The following ZNF385D variants were observed in gnomAD, a reference collection of about 807,000 sequenced individuals.
The protein encoded by ZNF385D is zinc finger protein 659.
ZNF385D carries 15 observed loss-of-function variants against 35.8 expected under a neutral mutation model. The ratio of observed to expected loss-of-function variants is 0.42; its 90% CI spans 0.28 to 0.64. ZNF385D has a LOEUF of 0.64. Among genes scored for constraint, ZNF385D ranks in the 30% least tolerant of loss-of-function variants. ZNF385D has a pLI of 0.23. For missense variants in ZNF385D, 474 were observed against 494.6 expected (o/e 0.96, Z 0.39); for synonymous variants, 212 against 186.8 (o/e 1.13, Z -1.10).
At chr3:21,795,414 G>C (rs2072105314) in intron 3 of ZNF385D, among the ~76,000 whole-genome samples, 1 of 152,246 alleles carries the variant, frequency 6.6e-6, no homozygotes, top group African/African-American at 2.4e-5. Context: ...GGGGCACATA[G>C]CCATTAGCGT....
chr3:22,322,725 C>T (rs1175028523), intron 2 of ZNF385D, among the ~76,000 whole-genome samples: 1 of 152,150 alleles, frequency 6.6e-6, no homozygotes, highest in Non-Finnish European at 1.5e-5. Context: ...AATATTTTCC[C>T]ACATGCTATT....
intron 3 of ZNF385D, among the ~76,000 whole-genome samples, chr3:22,047,912 T>G (rs1431641767): frequency 6.6e-6 from 1 of 152,182 alleles, no homozygotes; most frequent in Non-Finnish European, 1.5e-5. Flanking sequence ...CACCAACACC[T>G]ACATTGGTTT....
chr3:21,641,392 T>C (rs2065600305), intron 2 of ZNF385D, among the ~76,000 whole-genome samples: 1 of 151,392 alleles, frequency 6.6e-6, no homozygotes, highest in East Asian at 2.0e-4. Flanking sequence ...GTGAGAGGTA[T>C]GTGGGGGAGT....
At chr3:22,229,033 G>A (rs1174859249) in intron 2 of ZNF385D, among the ~76,000 whole-genome samples, 2 of 152,150 alleles carry the variant, frequency 1.3e-5, no homozygotes, top group Non-Finnish European at 2.9e-5. Flanking sequence ...CTTGCAGGAG[G>A]CCTATTGTGG....
At chr3:22,017,659 T>C (rs9840212) in intron 3 of ZNF385D, among the ~76,000 whole-genome samples, 1 of 151,930 alleles carries the variant, frequency 6.6e-6, no homozygotes, top group South Asian at 2.1e-4. Flanking sequence ...CATTTTATAA[T>C]GCTTTAACAA....
At chr3:21,759,566 T>A (rs1037854911) in intron 3 of ZNF385D, among the ~76,000 whole-genome samples, 1 of 152,078 alleles carries the variant, frequency 6.6e-6, no homozygotes, top group African/African-American at 2.4e-5. Flanking sequence ...TCCAAAGACA[T>A]TTGGTGACAC....
Position 21,857,481 on chromosome 3 carries a change from T to A in ZNF385D, c.326-192453A>T, listed in dbSNP as rs115381445. ...ACAGGGAGTACACAGGGTGTGTGGT[T>A]GGAATTAAGGAAATTAACAAGGGAT... On this transcript the variant is annotated intron_variant, in intron 3 of 5. Coordinates refer to the ZNF385D transcript ENST00000494108. Among the ~76,000 whole-genome samples, 1,181 of 152,120 alleles carry A rather than the reference T, an allele frequency of 7.8e-3. 7 individuals are homozygous for A. The highest frequency in any genetic ancestry group is 0.011 in the Non-Finnish European group (751 of 67,980).
At chr3:22,341,715 G>A (rs995702777) in intron 2 of ZNF385D, among the ~76,000 whole-genome samples, 1 of 152,080 alleles carries the variant, frequency 6.6e-6, no homozygotes, top group African/African-American at 2.4e-5. Context: ...TAGGGATTAG[G>A]AGCATCAAAC....
At chr3:21,761,255 A>AC (rs1351221625) in intron 3 of ZNF385D, among the ~76,000 whole-genome samples, 4 of 152,250 alleles carry the variant, frequency 2.6e-5, no homozygotes, top group Non-Finnish European at 4.4e-5. Context: ...CCTAGTCAGC[A>AC]CCATCAGCTG....
At chr3:22,295,028 G>A (rs1188994643) in intron 2 of ZNF385D, among the ~76,000 whole-genome samples, 1 of 151,914 alleles carries the variant, frequency 6.6e-6, no homozygotes. Flanking sequence ...ATTATAATTG[G>A]CTTTAAAATG....
intron 3 of ZNF385D, among the ~76,000 whole-genome samples, chr3:22,120,421 C>G (rs12485859): frequency 0.21 from 31,715 of 151,982 alleles, 3,771 homozygotes; most frequent in East Asian, 0.36. Flanking sequence ...AAGGACTATA[C>G]CCTTATGACC....
intron 2 of ZNF385D, among the ~76,000 whole-genome samples, chr3:22,177,040 C>G (rs1694878675): frequency 6.6e-6 from 1 of 151,970 alleles, no homozygotes; most frequent in South Asian, 2.1e-4. Flanking sequence ...GTATTCTGAC[C>G]TACTGTTCCT....
At chr3:21,604,978 A>G (rs2064433094) in intron 2 of ZNF385D, among the ~76,000 whole-genome samples, 2 of 152,220 alleles carry the variant, frequency 1.3e-5, no homozygotes, top group Admixed American at 6.5e-5. Context: ...TGGTGAAGAA[A>G]GTTGCCTTGG....
chr3:22,025,615 G>C (rs986540569), intron 3 of ZNF385D, among the ~76,000 whole-genome samples: 4 of 152,140 alleles, frequency 2.6e-5, no homozygotes, highest in Non-Finnish European at 5.9e-5. Context: ...GGTTCTAACA[G>C]TTTATTTGCT....
At chr3:22,002,209 C>T (rs555975505) in intron 3 of ZNF385D, among the ~76,000 whole-genome samples, 1 of 151,206 alleles carries the variant, frequency 6.6e-6, no homozygotes, top group African/African-American at 2.4e-5. Flanking sequence ...CTCAACTAAC[C>T]AATACCAAAA....
chr3:22,336,921 A>AAAAAAAAAAAC (rs1695190102), intron 2 of ZNF385D, among the ~76,000 whole-genome samples: 3 of 144,886 alleles, frequency 2.1e-5, no homozygotes, highest in African/African-American at 7.6e-5. Flanking sequence ...AAAAAAAAAA[A>AAAAAAAAAAAC]AAAAAAAAAA....
At chr3:21,849,601 A>ATT (rs1696242750) in intron 3 of ZNF385D, 2 of 101,188 alleles carry the variant, frequency 2.0e-5, no homozygotes, top group Non-Finnish European at 4.0e-5. Context: ...TGTGAAACCC[A>ATT]TTTCTTTTTT....
rs185252309 is a variant in ZNF385D, at chr3:22,243,666, G to C, written c.107-74631C>G. Among the ~76,000 whole-genome samples, 140 of 151,192 alleles carry C rather than the reference G, an allele frequency of 9.3e-4. 10 individuals are homozygous for C. The highest frequency in any genetic ancestry group is 3.1e-3 in the African/African-American group (127 of 40,982). Reference sequence around the variant, plus strand: ...TCAAAAGATGTTAGAACACTTCAAAGGCAAGAACAGCCAAGCTCTGTGGCT... The same window carrying C: ...TCAAAAGATGTTAGAACACTTCAAACGCAAGAACAGCCAAGCTCTGTGGCT... On this transcript the variant is annotated intron_variant, in intron 2 of 5. Coordinates refer to the ZNF385D transcript ENST00000494108.
chr3:22,181,448 G>T (rs937674047), intron 2 of ZNF385D, among the ~76,000 whole-genome samples: 2 of 152,166 alleles, frequency 1.3e-5, no homozygotes, highest in Admixed American at 1.3e-4. Flanking sequence ...TGTAATCCCA[G>T]CACTTTGGGA....
Sources: allele counts gnomAD v4.1 joint callset (sites outside exome capture counted in the v4.1 genomes callset), GRCh38; gene constraint gnomAD v4.1.1; transcripts MANE v1.5; gene names NCBI Gene and HGNC (gene_info 2026-07-23, HGNC 2026-07-21).